Variants in BMP10 observed in about 807,000 individuals in gnomAD.
BMP10 encodes the protein bone morphogenetic protein 10.
BMP10 carries 9 observed loss-of-function variants against 29.9 expected under a neutral mutation model. The observed-to-expected ratio is 0.30, with a 90% CI of 0.18 to 0.53. BMP10 has a LOEUF of 0.53. Ranked by LOEUF, BMP10 falls within the 20% of genes least tolerant of loss-of-function variation. The pLI is 0.96. For synonymous variants in BMP10, 202 were observed against 200.2 expected, an observed-to-expected ratio of 1.01 and a Z score of -0.07; for missense variants, 474 against 524.3, an observed-to-expected ratio of 0.90 and a Z score of 0.94.
chr2:68,868,775 G>A (rs2103809915), intron 1 of BMP10, among the ~76,000 whole-genome samples: 1 of 152,288 alleles, frequency 6.6e-6, no homozygotes, highest in Non-Finnish European at 1.5e-5. Flanking sequence ...GTAGTGGGAG[G>A]AAGGCATTAC....
At chr2:68,868,708 A>G (rs1295404754) in intron 1 of BMP10, among the ~76,000 whole-genome samples, 1 of 152,214 alleles carries the variant, frequency 6.6e-6, no homozygotes, top group Non-Finnish European at 1.5e-5. Context: ...GACAGGGAAC[A>G]TGGAAGAGTA....
chr2:68,871,375 C>T lies in BMP10; in HGVS notation c.-17G>A, dbSNP rs768567186. On this transcript the variant is annotated 5_prime_UTR_variant, in exon 1 of 2. Coordinates refer to ENST00000295379, the MANE Select transcript of BMP10 (RefSeq NM_014482.3). ...AGAGCCCATGACTCCGCTCGAGCTC[C>T]TAGGCCAAGCCAGGAAGGTTTAGCT... 3.7e-6 allele frequency: 6 copies of T among 1,608,124 alleles called. No homozygotes were observed. The African/African-American group carries it at 8.0e-5, about 22-fold the overall frequency.
In BMP10 at chr2:68,867,491, T is replaced by C. The variant is rs552107681; in HGVS notation, c.335-920A>G. 2.5e-4 allele frequency among the ~76,000 whole-genome samples: 38 copies of C among 152,318 alleles called. No homozygotes were observed. In the South Asian group the frequency reaches 7.7e-3, roughly 31 times the overall value. On this transcript the variant is annotated intron_variant, in intron 1 of 1. Coordinates refer to ENST00000295379, the MANE Select transcript of BMP10 (RefSeq NM_014482.3). ...TGGCATGGGGCGTGACATGTATAAC[T>C]CACTCAATAATGTTTATGAATCAAC... is the stretch of plus-strand genomic sequence containing the variant.
rs1021061259 is a variant in BMP10, at chr2:68,863,925, T to G, written c.*1706A>C. Among the ~76,000 whole-genome samples, 4 of 152,104 alleles carry G rather than the reference T, an allele frequency of 2.6e-5. No individual in the cohort carries two copies. Among genetic ancestry groups the G allele is most frequent in the Admixed American group, 2.6e-4 (4 of 15,268 alleles). On this transcript the variant is annotated 3_prime_UTR_variant, in exon 2 of 2. Transcript: ENST00000295379. ...GACGTACTGGAAACCACATTCCTGG[T>G]TCTAACAGGAACCATCCATGTTCCC...
chr2:68,865,954 C>T lies in BMP10; in HGVS notation c.952G>A (p.Ala318Thr), dbSNP rs2231347. The change falls in exon 2 of 2, where the codon GCC (alanine) becomes ACC (threonine). Residue 318 changes from alanine to threonine, a missense_variant. By Grantham distance (58) the Ala-to-Thr change is moderately conservative (BLOSUM62 0). Coordinates refer to ENST00000295379, the MANE Select transcript of BMP10 (RefSeq NM_014482.3). This position sits in a 1 kb window ranked among gnomAD's most constrained non-coding sequence, Gnocchi z 4.7. ...GTCCTCTTACAGTAGTTTCCTTTGG[C>T]GTTCCTTCTGATTCGGGCAGTGGAG... ...YDSTARIRRN[A>T]KGNYCKRTPL... 139 of 1,614,028 alleles carry T rather than the reference C, an allele frequency of 8.6e-5. No homozygotes were observed. In the African/African-American group the frequency reaches 1.4e-3, roughly 16 times the overall value.
rs888990658 is a variant in BMP10 at position 68,861,565 on chromosome 2, G to A, written c.*4066C>T. On this transcript the variant is annotated 3_prime_UTR_variant, in exon 2 of 2. Transcript: ENST00000295379. ...GCACCATATGTGAGCTTGCAGAACTGCAAAGGGTTGAGAATGACCCACAGT... is the reference window on the plus strand; with the variant it reads ...GCACCATATGTGAGCTTGCAGAACTACAAAGGGTTGAGAATGACCCACAGT... Among the ~76,000 whole-genome samples the A allele has an allele frequency of 6.6e-6, 1 of 152,178 alleles. No individual in the cohort carries two copies. Among genetic ancestry groups the A allele is most frequent in the Non-Finnish European group, 1.5e-5 (1 of 68,032 alleles).
rs1682859284 is a variant in BMP10 at position 68,861,456 on chromosome 2, A to G, written c.*4175T>C. Among the ~76,000 whole-genome samples the G allele has an allele frequency of 6.6e-6, 1 of 152,246 alleles. No homozygotes were observed. Among genetic ancestry groups the G allele is most frequent in the Admixed American group, 6.5e-5 (1 of 15,282 alleles). ...CTGTGTACTTCTCTTCCATAGTCACATCTACCTTCCATTTAATGTAGGAAA... is the reference window on the plus strand; with the variant it reads ...CTGTGTACTTCTCTTCCATAGTCACGTCTACCTTCCATTTAATGTAGGAAA... On this transcript the variant is annotated 3_prime_UTR_variant, in exon 2 of 2. Transcript: ENST00000295379.
chr2:68,863,752 C>T lies in BMP10; in HGVS notation c.*1879G>A, dbSNP rs1298791592. Reference sequence around the variant, plus strand: ...TTGGGCCTTCTTCAAAATAGTTTTCCTTGCCTCTATTGTCTAGTGCAGTTT... The same window carrying T: ...TTGGGCCTTCTTCAAAATAGTTTTCTTTGCCTCTATTGTCTAGTGCAGTTT... On this transcript the variant is annotated 3_prime_UTR_variant, in exon 2 of 2. Coordinates refer to ENST00000295379, the MANE Select transcript of BMP10 (RefSeq NM_014482.3). Among the ~76,000 whole-genome samples the T allele has an allele frequency of 6.6e-6, 1 of 152,126 alleles. No homozygotes were observed. The highest frequency in any genetic ancestry group is 2.1e-4 in the South Asian group (1 of 4,818).
At chr2:68,870,524 T>C (rs1398762723) in intron 1 of BMP10, among the ~76,000 whole-genome samples, 1 of 152,236 alleles carries the variant, frequency 6.6e-6, no homozygotes, top group African/African-American at 2.4e-5. Context: ...TCCATCCTGT[T>C]TGAACATTTC....
In BMP10 at chr2:68,871,014, CA is replaced by C; in HGVS notation, c.334+10del. On this transcript the variant is annotated intron_variant, in intron 1 of 1. Coordinates refer to ENST00000295379, the MANE Select transcript of BMP10 (RefSeq NM_014482.3). ...AAAAATCCTAGCAAAATTTCATCAG[CA>C]AAAACTTACCTTCATTCTTGAAACT... The C allele has an allele frequency of 1.2e-6, 2 of 1,603,524 alleles. No individual in the cohort carries two copies. Among genetic ancestry groups the C allele is most frequent in the Non-Finnish European group, 1.7e-6 (2 of 1,172,324 alleles).
At chr2:68,867,561 T>C (rs535917055) in intron 1 of BMP10, among the ~76,000 whole-genome samples, 1 of 152,222 alleles carries the variant, frequency 6.6e-6, no homozygotes, top group Non-Finnish European at 1.5e-5. Context: ...CCAAATACGA[T>C]CATGTTGACT....
At chr2:68,868,484 T>C (rs1683010067) in intron 1 of BMP10, among the ~76,000 whole-genome samples, 1 of 152,210 alleles carries the variant, frequency 6.6e-6, no homozygotes, top group African/African-American at 2.4e-5. Context: ...CCTCCTGGTT[T>C]GAATGGCTCA....
chr2:68,867,578 C>G (rs1304215849), intron 1 of BMP10, among the ~76,000 whole-genome samples: 1 of 152,194 alleles, frequency 6.6e-6, no homozygotes, highest in Non-Finnish European at 1.5e-5. Flanking sequence ...GACTTCCTAT[C>G]TGAATATTTC....
At chr2:68,866,985 G>A (rs145830927) in intron 1 of BMP10, among the ~76,000 whole-genome samples, 39 of 151,914 alleles carry the variant, frequency 2.6e-4, no homozygotes, top group African/African-American at 9.0e-4. Flanking sequence ...TTTCGGGGAT[G>A]AGGACTTCAT....
chr2:68,870,523 T>C (rs1158059509), intron 1 of BMP10, among the ~76,000 whole-genome samples: 2 of 152,232 alleles, frequency 1.3e-5, no homozygotes, highest in African/African-American at 2.4e-5. Context: ...TTCCATCCTG[T>C]TTGAACATTT....
intron 1 of BMP10, among the ~76,000 whole-genome samples, chr2:68,869,975 G>A (rs1270490289): frequency 1.3e-5 from 2 of 152,146 alleles, no homozygotes; most frequent in Admixed American, 1.3e-4. Flanking sequence ...CCACTTTATA[G>A]ATGAGGAAAT....
intron 1 of BMP10, among the ~76,000 whole-genome samples, chr2:68,868,801 G>T (rs546737319): frequency 1.3e-5 from 2 of 152,150 alleles, no homozygotes; most frequent in Non-Finnish European, 2.9e-5. Flanking sequence ...ATACAAGGAA[G>T]CTTTTGGTTT....
At position 68,862,774 on chromosome 2, in the gene BMP10, G is replaced by A. The variant is rs115411996; in HGVS notation, c.*2857C>T. ...GTGGGAGCTGGGAGAACTCCTCTACGGGCTGTGTCTTTTCACTTTCTGACA... is the reference window on the plus strand; with the variant it reads ...GTGGGAGCTGGGAGAACTCCTCTACAGGCTGTGTCTTTTCACTTTCTGACA... On this transcript the variant is annotated 3_prime_UTR_variant, in exon 2 of 2. Transcript: ENST00000295379. 3.0e-3 allele frequency among the ~76,000 whole-genome samples: 451 copies of A among 152,208 alleles called. 3 individuals carry two copies. Among genetic ancestry groups the A allele is most frequent in the African/African-American group, 0.01 (422 of 41,526 alleles).
Position 68,871,268 on chromosome 2 carries a change from G to A in BMP10, c.91C>T (p.Pro31Ser). 1 of 1,614,098 alleles carries A rather than the reference G, an allele frequency of 6.2e-7. No homozygotes were observed. Among genetic ancestry groups the A allele is most frequent in the Non-Finnish European group, 8.5e-7 (1 of 1,180,006 alleles). ...GSPIMNLEQS[P>S]LEEDMSLFGD... ...AAGAGGGACATATCTTCTTCCAGAG[G>A]AGACTGCTCTAGGTTCATGATGGGG... Residue 31 changes from proline (P) to serine (S), a missense_variant, in exon 1 of 2, where the codon CCT (proline) becomes TCT (serine). Coordinates refer to ENST00000295379, the MANE Select transcript of BMP10 (RefSeq NM_014482.3).
Sources: allele counts gnomAD v4.1 joint callset (sites outside exome capture counted in the v4.1 genomes callset), GRCh38; gene constraint gnomAD v4.1.1; non-coding constraint Gnocchi (gnomAD v3.1); transcripts MANE v1.5; gene names NCBI Gene and HGNC (gene_info 2026-07-23, HGNC 2026-07-21).